The following PROSER2 variants were observed in gnomAD, a reference collection of about 807,000 sequenced individuals.
PROSER2 encodes the protein proline and serine-rich protein 2.
In PROSER2, 18 loss-of-function variants were observed where a neutral mutation model predicts 14.6. That is an observed-to-expected ratio of 1.23 (90% CI 0.85 to 1.83). The LOEUF is 1.83. Ranked by LOEUF, PROSER2 falls within the 40% of genes most tolerant of loss-of-function variation. The probability of loss-of-function intolerance (pLI) is 0.00; values close to 1 mark genes in which losing one functional copy is unlikely to be tolerated. For synonymous variants in PROSER2, 367 were observed against 286.4 expected, an observed-to-expected ratio of 1.28 and a Z score of -2.84; for missense variants, 823 against 629.8, an observed-to-expected ratio of 1.31 and a Z score of -3.28.
At chr10:11,826,453 C>T (rs912351665) in intron 1 of PROSER2, among the ~76,000 whole-genome samples, 1 of 152,252 alleles carries the variant, frequency 6.6e-6, no homozygotes, top group African/African-American at 2.4e-5. Context: ...GAGCTGCCAA[C>T]TGTTTTCTAT....
intron 1 of PROSER2, among the ~76,000 whole-genome samples, chr10:11,839,481 ACTG>A (rs1370396689): frequency 6.6e-6 from 1 of 152,212 alleles, no homozygotes; most frequent in Non-Finnish European, 1.5e-5. Context: ...AGTCTGTTTC[ACTG>A]CTGTCTATCC....
intron 1 of PROSER2, chr10:11,850,161 A>G (rs1699039163): frequency 6.6e-6 from 1 of 152,288 alleles, no homozygotes; most frequent in African/African-American, 2.4e-5. Flanking sequence ...AGTGGATACA[A>G]CTGACGTCGT....
intron 1 of PROSER2, among the ~76,000 whole-genome samples, chr10:11,847,359 C>T (rs1046833668): frequency 1.3e-5 from 2 of 152,080 alleles, no homozygotes; most frequent in African/African-American, 4.8e-5. Context: ...ACAAGGTCAC[C>T]TTAGTTGATG....
At chr10:11,864,300 G>C (rs150460575) in intron 2 of PROSER2, among the ~76,000 whole-genome samples, 2 of 152,184 alleles carry the variant, frequency 1.3e-5, no homozygotes, top group East Asian at 3.9e-4. Flanking sequence ...CTGATCTTTT[G>C]TTTGTTTAAA....
chr10:11,869,608 C>T lies in PROSER2; in HGVS notation c.510C>T (p.Pro170=), dbSNP rs771537299. The T allele has an allele frequency of 3.7e-6, 6 of 1,605,834 alleles. No homozygotes were observed. Among genetic ancestry groups the T allele is most frequent in the Non-Finnish European group, 5.1e-6 (6 of 1,174,534 alleles). ...APPPLPSTPD[P]PRRELRAPSP... The stretch of plus-strand genomic sequence containing the variant: ...CACCCCTGCCTAGCACCCCCGATCC[C>T]CCCAGGAGGGAGCTGCGCGCCCCCT... Residue 170 remains proline (P), a synonymous_variant, in exon 4 of 4, where the codon CCC becomes CCT. Transcript: ENST00000277570. The surrounding 1 kb of genome is among the most constrained non-coding windows in gnomAD (Gnocchi z 4.4).
At chr10:11,826,184 CGT>C (rs1833610284) in intron 1 of PROSER2, among the ~76,000 whole-genome samples, 1 of 152,114 alleles carries the variant, frequency 6.6e-6, no homozygotes, top group African/African-American at 2.4e-5. Flanking sequence ...AAGGTCCGTC[CGT>C]GTCGCGGCGT....
In PROSER2 at chr10:11,870,605, G is replaced by C. The variant is rs1178329674; in HGVS notation, c.*199G>C. ...ACCGCAAGCTCCAGCCACCGGCACA[G>C]AGAACTCTTCCCTAAAGGAATCTGG... On this transcript the variant is annotated 3_prime_UTR_variant, in exon 4 of 4. Coordinates refer to ENST00000277570, the MANE Select transcript of PROSER2 (RefSeq NM_153256.4). The C allele has an allele frequency of 2.1e-6, 1 of 484,314 alleles. No homozygotes were observed. Among genetic ancestry groups the C allele is most frequent in the Non-Finnish European group, 3.7e-6 (1 of 269,766 alleles). The allele number at this position is 484,314 out of a possible 1,614,324, so 30.0% of individuals were successfully genotyped here.
chr10:11,867,674 C>T (rs1480011296), intron 3 of PROSER2, among the ~76,000 whole-genome samples: 1 of 152,182 alleles, frequency 6.6e-6, no homozygotes, highest in Non-Finnish European at 1.5e-5. Flanking sequence ...GGAGGTGGAG[C>T]TCGGTAATGC....
chr10:11,848,122 G>A (rs1833952534), intron 1 of PROSER2, among the ~76,000 whole-genome samples: 1 of 152,106 alleles, frequency 6.6e-6, no homozygotes, highest in African/African-American at 2.4e-5. Flanking sequence ...CAAAGTGGGA[G>A]TGTGCCCCAC....
intron 1 of PROSER2, among the ~76,000 whole-genome samples, chr10:11,849,171 A>G (rs1413830731): frequency 6.6e-6 from 1 of 152,076 alleles, no homozygotes; most frequent in African/African-American, 2.4e-5. Flanking sequence ...TGGGCGGCAC[A>G]GCAAAACTCC....
Position 11,869,942 on chromosome 10 carries a change from A to G in PROSER2, c.844A>G (p.Arg282Gly). The part of the protein sequence containing the change: ...SRAAVSVQER[R>G]AQVLATIHGH... ...GGCGGCCGTCAGCGTGCAGGAGCGCAGGGCGCAGGTGTTGGCCACCATCCA... is the reference window on the plus strand; with the variant it reads ...GGCGGCCGTCAGCGTGCAGGAGCGCGGGGCGCAGGTGTTGGCCACCATCCA... The change falls in exon 4 of 4, where the codon AGG (arginine) becomes GGG (glycine). Residue 282 changes from arginine to glycine, a missense_variant. By Grantham distance (125) the Arg-to-Gly change is moderately radical (BLOSUM62 -2). Coordinates refer to ENST00000277570, the MANE Select transcript of PROSER2 (RefSeq NM_153256.4). The surrounding 1 kb of genome is among the most constrained non-coding windows in gnomAD (Gnocchi z 4.4). 6.6e-7 allele frequency: 1 copy of G among 1,523,614 alleles called. No homozygotes were observed. Among genetic ancestry groups the G allele is most frequent in the Middle Eastern group, 2.2e-4 (1 of 4,528 alleles). The allele number at this position is 1,523,614 out of a possible 1,614,324, so 94.4% of individuals were successfully genotyped here.
rs7079747 is a variant in PROSER2, at chr10:11,851,972, T to G, written c.-81-25T>G. 0.64 allele frequency: 784,706 copies of G among 1,221,402 alleles called. 253,765 individuals are homozygous for G. Among genetic ancestry groups the G allele is most frequent in the East Asian group, 0.85 (30,568 of 35,812 alleles). The allele number at this position is 1,221,402 out of a possible 1,614,324, so 75.7% of individuals were successfully genotyped here. ...TTTACAGTCTCGGCTTACTGACCATTGTCATTCGTGTTTGGTGTCTCTAGG... is the reference window on the plus strand; with the variant it reads ...TTTACAGTCTCGGCTTACTGACCATGGTCATTCGTGTTTGGTGTCTCTAGG... On this transcript the variant is annotated intron_variant, in intron 1 of 3. Transcript: ENST00000277570.
At chr10:11,842,784 TTTCAGCAGTTATAATC>T (rs1833862609) in intron 1 of PROSER2, among the ~76,000 whole-genome samples, 1 of 151,986 alleles carries the variant, frequency 6.6e-6, no homozygotes, top group Admixed American at 6.6e-5. Flanking sequence ...AGGTACAGAT[TTTCAGCAGTTATAATC>T]TTCAGCAGTT....
intron 1 of PROSER2, among the ~76,000 whole-genome samples, chr10:11,828,656 T>G (rs535776567): frequency 6.6e-6 from 1 of 152,086 alleles, no homozygotes; most frequent in Non-Finnish European, 1.5e-5. Context: ...TGAGCCGAGA[T>G]CACGCCACTA....
intron 1 of PROSER2, among the ~76,000 whole-genome samples, chr10:11,834,665 G>A (rs1343679520): frequency 6.6e-6 from 1 of 152,092 alleles, no homozygotes; most frequent in East Asian, 1.9e-4. Flanking sequence ...AACCCAGGTG[G>A]TGGAGGTTGC....
intron 2 of PROSER2, among the ~76,000 whole-genome samples, chr10:11,860,659 T>G (rs1834218749): frequency 1.3e-5 from 2 of 151,524 alleles, no homozygotes; most frequent in South Asian, 2.1e-4. Context: ...ATACAAATAA[T>G]AAGAAGAGGA....
chr10:11,866,604 C>T lies in PROSER2; in HGVS notation c.212C>T (p.Ser71Phe), dbSNP rs560598460. ...CTGTTTTTTGAAGAGACGATTGACTCCCTAGACGAGGACTTTGAGGAGCCA... is the reference window on the plus strand; with the variant it reads ...CTGTTTTTTGAAGAGACGATTGACTTCCTAGACGAGGACTTTGAGGAGCCA... ...VLLFFEETIDSLDEDFEEPVL... is the reference protein window; with the variant it reads ...VLLFFEETIDFLDEDFEEPVL... The change falls in exon 3 of 4, where the codon TCC (serine) becomes TTC (phenylalanine). Residue 71 changes from serine to phenylalanine, a missense_variant. Transcript: ENST00000277570. This position sits in a 1 kb window ranked among gnomAD's most constrained non-coding sequence, Gnocchi z 6.0. The T allele has an allele frequency of 8.7e-6, 14 of 1,614,206 alleles. No individual in the cohort carries two copies. In the South Asian group the frequency reaches 1.4e-4, roughly 16 times the overall value.
At chr10:11,858,889 G>C (rs1192058078) in intron 2 of PROSER2, among the ~76,000 whole-genome samples, 1 of 151,210 alleles carries the variant, frequency 6.6e-6, no homozygotes, top group African/African-American at 2.4e-5. Flanking sequence ...GGTGCCTATA[G>C]TCCCAGCTAC....
At chr10:11,833,984 CTTTTTTTT>C (rs35005102) in intron 1 of PROSER2, among the ~76,000 whole-genome samples, 8 of 48,242 alleles carry the variant, frequency 1.7e-4, no homozygotes, top group East Asian at 2.1e-3. Context: ...GTAGCTCTTT[CTTTTTTTT>C]TTTTTTTTTT....
Sources: allele counts gnomAD v4.1 joint callset (sites outside exome capture counted in the v4.1 genomes callset), GRCh38; gene constraint gnomAD v4.1.1; non-coding constraint Gnocchi (gnomAD v3.1); transcripts MANE v1.5; gene names NCBI Gene and HGNC (gene_info 2026-07-23, HGNC 2026-07-21).